PGBD2: variants seen among roughly 807,000 people sequenced by gnomAD.
The protein encoded by PGBD2 is piggyBac transposable element derived 2, also known as piggyBac transposable element-derived protein 2.
In PGBD2, 6 loss-of-function variants were observed where a neutral mutation model predicts 8.1. The observed-to-expected ratio is 0.74, with a 90% CI of 0.40 to 1.46. The LOEUF is 1.46. Among genes scored for constraint, PGBD2 ranks in the 40% most tolerant of loss-of-function variants. The probability of loss-of-function intolerance (pLI) is 0.02; values close to 1 mark genes in which losing one functional copy is unlikely to be tolerated. For missense variants in PGBD2, 802 were observed against 739.0 expected (o/e 1.09, Z -0.99); for synonymous variants, 318 against 272.2 (o/e 1.17, Z -1.66).
the PGBD2 span, among the ~76,000 whole-genome samples, chr1:248,892,342 C>CT: frequency 7.6e-6 from 1 of 131,294 alleles, no homozygotes; most frequent in Non-Finnish European, 1.6e-5. Context: ...TTATTTCTTT[C>CT]TTTGAAAGGC....
chr1:248,907,483 G>A (rs1353545506), intron 1 of PGBD2, among the ~76,000 whole-genome samples: 2 of 152,220 alleles, frequency 1.3e-5, no homozygotes, highest in African/African-American at 4.8e-5. Context: ...ACAGACGGGT[G>A]TCGGGCTGGG....
the PGBD2 span, among the ~76,000 whole-genome samples, chr1:248,928,088 CT>C: frequency 3.9e-5 from 6 of 152,036 alleles, no homozygotes; most frequent in African/African-American, 1.2e-4. Flanking sequence ...TTGTTGTTTG[CT>C]TTTTTTAAAA....
upstream of PGBD2, among the ~76,000 whole-genome samples, chr1:248,905,590 G>C (rs1419486722): frequency 6.6e-6 from 1 of 152,196 alleles, no homozygotes; most frequent in Non-Finnish European, 1.5e-5. Flanking sequence ...AGGCAAGGTA[G>C]CCAGATGAAA....
At chr1:248,927,558 A>G in the PGBD2 span, among the ~76,000 whole-genome samples, 1 of 152,228 alleles carries the variant, frequency 6.6e-6, no homozygotes, top group South Asian at 2.1e-4. Context: ...CTCTTCCATT[A>G]TACCATGAAA....
chr1:248,890,746 C>G, the PGBD2 span, among the ~76,000 whole-genome samples: 1 of 151,436 alleles, frequency 6.6e-6, no homozygotes. Flanking sequence ...ACCCACACTA[C>G]ACATTATACA....
chr1:248,927,262 C>A, the PGBD2 span, among the ~76,000 whole-genome samples: 1 of 151,986 alleles, frequency 6.6e-6, no homozygotes, highest in Non-Finnish European at 1.5e-5. Context: ...ATGAGAATGT[C>A]GGGAAGGGAG....
the PGBD2 span, among the ~76,000 whole-genome samples, chr1:248,875,308 C>CAAAAAAAGAAAAAA: frequency 9.1e-6 from 1 of 110,254 alleles, no homozygotes; most frequent in Non-Finnish European, 1.8e-5. Flanking sequence ...AAAAACAAAA[C>CAAAAAAAGAAAAAA]AAAAAAAAAA....
At chr1:248,909,425 C>T (rs1200479785) in intron 1 of PGBD2, among the ~76,000 whole-genome samples, 1 of 152,140 alleles carries the variant, frequency 6.6e-6, no homozygotes, top group Non-Finnish European at 1.5e-5. Context: ...TCAAGAGCTT[C>T]TGGTTCTTTT....
chr1:248,899,100 A>T, the PGBD2 span, among the ~76,000 whole-genome samples: 2 of 152,246 alleles, frequency 1.3e-5, no homozygotes, highest in Admixed American at 1.3e-4. Flanking sequence ...CCACATTCTT[A>T]AAACAAGTTC....
the PGBD2 span, among the ~76,000 whole-genome samples, chr1:248,873,013 G>C: frequency 6.6e-6 from 1 of 151,800 alleles, no homozygotes; most frequent in Non-Finnish European, 1.5e-5. Flanking sequence ...CTCACACTCT[G>C]TACATGTGAT....
the PGBD2 span, among the ~76,000 whole-genome samples, chr1:248,895,177 C>G: frequency 1.3e-5 from 2 of 152,098 alleles, no homozygotes; most frequent in Non-Finnish European, 2.9e-5. Flanking sequence ...TTGGGTCAAC[C>G]AACAACAGGC....
chr1:248,915,371 ACT>A (rs1468532706), intron 2 of PGBD2, among the ~76,000 whole-genome samples: 2 of 152,044 alleles, frequency 1.3e-5, no homozygotes, highest in Non-Finnish European at 2.9e-5. Context: ...CCATACTGTC[ACT>A]CTGTTTTTCA....
chr1:248,910,827 A>AT (rs1317436408), intron 1 of PGBD2, among the ~76,000 whole-genome samples: 2 of 152,126 alleles, frequency 1.3e-5, no homozygotes, highest in South Asian at 2.1e-4. Context: ...CCATAGAGGA[A>AT]TTTGTTTTTT....
downstream of PGBD2, among the ~76,000 whole-genome samples, chr1:248,922,851 C>G (rs187136299): frequency 1.3e-5 from 2 of 152,100 alleles, no homozygotes; most frequent in Non-Finnish European, 2.9e-5. Flanking sequence ...CTGCTGGACT[C>G]GGTTTGCCAG....
chr1:248,876,432 A>G, the PGBD2 span, among the ~76,000 whole-genome samples: 3 of 152,200 alleles, frequency 2.0e-5, no homozygotes, highest in African/African-American at 7.2e-5. Flanking sequence ...CTTTTGGTCC[A>G]CTGTGGTTTC....
chr1:248,882,941 T>C, the PGBD2 span, among the ~76,000 whole-genome samples: 1 of 152,184 alleles, frequency 6.6e-6, no homozygotes, highest in African/African-American at 2.4e-5. Flanking sequence ...TATGTCAGAA[T>C]GTGGTGCATT....
At chr1:248,883,235 T>C in the PGBD2 span, among the ~76,000 whole-genome samples, 1 of 152,098 alleles carries the variant, frequency 6.6e-6, no homozygotes, top group South Asian at 2.1e-4. Flanking sequence ...GTGATTCTCC[T>C]GCCTCAGCCT....
At chr1:248,882,331 C>T in the PGBD2 span, among the ~76,000 whole-genome samples, 1 of 152,098 alleles carries the variant, frequency 6.6e-6, no homozygotes, top group African/African-American at 2.4e-5. Context: ...AACATAACAT[C>T]TGTATGCAGA....
rs199796106 is a variant in PGBD2 at position 248,917,153 on chromosome 1, G to A, written c.569G>A (p.Gly190Glu). The change falls in exon 3 of 3, where the codon GGG becomes GAG. Residue 190 changes from glycine (G) to glutamate (E), a missense_variant. By Grantham distance (98) the Gly-to-Glu change is moderately conservative (BLOSUM62 -2). Transcript: ENST00000329291. The part of the protein sequence containing the change: ...KCVLGILILS[G>E]YISYPRRRMF... Reference sequence around the variant, plus strand: ...GTTTTGGGCATTTTGATTTTAAGTGGGTACATCTCTTATCCAAGGAGAAGG... The same window carrying A: ...GTTTTGGGCATTTTGATTTTAAGTGAGTACATCTCTTATCCAAGGAGAAGG... 3 of 1,613,980 alleles carry A rather than the reference G, an allele frequency of 1.9e-6. No homozygotes were observed. The highest frequency in any genetic ancestry group is 2.7e-5 in the African/African-American group (2 of 74,956).
Sources: allele counts gnomAD v4.1 joint callset (sites outside exome capture counted in the v4.1 genomes callset), GRCh38; gene constraint gnomAD v4.1.1; transcripts MANE v1.5; gene names NCBI Gene and HGNC (gene_info 2026-07-23, HGNC 2026-07-21).